The following MEX3D variants were observed in gnomAD, a reference collection of about 807,000 sequenced individuals.
MEX3D encodes mex-3 RNA binding family member D, also known as RNA-binding protein MEX3D.
A neutral mutation model predicts 6.3 loss-of-function variants in MEX3D; 4 were observed. The ratio of observed to expected loss-of-function variants is 0.64; its 90% CI spans 0.31 to 1.46. The LOEUF is 1.46. MEX3D is among the 40% of genes most tolerant of loss of function. The pLI is 0.07. For missense variants in MEX3D, 1,038 were observed against 994.4 expected, an observed-to-expected ratio of 1.04 and a Z score of -0.59; for synonymous variants, 626 against 494.1, an observed-to-expected ratio of 1.27 and a Z score of -3.54.
Position 1,555,094 on chromosome 19 carries a change from A to T in MEX3D, c.*469T>A. On this transcript the variant is annotated 3_prime_UTR_variant, in exon 2 of 2. Coordinates refer to ENST00000402693, the MANE Select transcript of MEX3D (RefSeq NM_203304.4). ...CATAAATGGTTAGCCCCAAAAAGGG[A>T]GTAAAAATGTCACCCTCCTCCTCTG... The T allele has an allele frequency of 4.6e-6, 1 of 215,310 alleles. No homozygotes were observed. The highest frequency in any genetic ancestry group is 5.3e-5 in the South Asian group (1 of 19,008). The allele number at this position is 215,310 out of a possible 1,614,324, so 13.3% of individuals were successfully genotyped here.
Position 1,567,457 on chromosome 19 carries a change from C to T in MEX3D, c.595+7G>A, listed in dbSNP as rs372826702. 2.5e-4 allele frequency: 392 copies of T among 1,562,704 alleles called. 1 individual carries two copies. Among genetic ancestry groups the T allele is most frequent in the Non-Finnish European group, 3.2e-4 (374 of 1,156,314 alleles). On this transcript the variant is annotated splice_region_variant and intron_variant, in intron 1 of 1. Coordinates refer to ENST00000402693, the MANE Select transcript of MEX3D (RefSeq NM_203304.4). This position sits in a 1 kb window ranked among gnomAD's most constrained non-coding sequence, Gnocchi z 6.5. ...CAGGACAGCAACCCCCGACGAGGGC[C>T]ACTCACCCTGGCGACCCACGATCTC...
chr19:1,561,986 GCA>G (rs1221094646), intron 1 of MEX3D, among the ~76,000 whole-genome samples: 1 of 151,788 alleles, frequency 6.6e-6, no homozygotes, highest in Non-Finnish European at 1.5e-5. Context: ...GTGTGGCCGG[GCA>G]CGGTGGCTCA....
intron 1 of MEX3D, among the ~76,000 whole-genome samples, chr19:1,563,006 A>G (rs533912000): frequency 3.3e-5 from 5 of 152,250 alleles, no homozygotes; most frequent in African/African-American, 1.2e-4. Flanking sequence ...CGACAAGAGC[A>G]AGACCCTGTC....
In MEX3D at chr19:1,567,778, T is replaced by G; in HGVS notation, c.281A>C (p.Asp94Ala). ...CACAGGCTCCGGAGCCGCCCCGCCG[T>G]CCGCGCCCCCCGCCGCCGCTGCGCC... is the stretch of plus-strand genomic sequence containing the variant. The part of the protein sequence containing the change: ...GDGAAAAGGA[D>A]GGAAPEPVPP... The change falls in exon 1 of 2, where the codon GAC (aspartate) becomes GCC (alanine). Residue 94 changes from aspartate (D) to alanine (A), a missense_variant. Around this residue, in one of 5 missense-constraint regions of MEX3D, gnomAD observed 265 missense variants for 206.3 expected, o/e 1.28. Coordinates refer to ENST00000402693, the MANE Select transcript of MEX3D (RefSeq NM_203304.4). The surrounding 1 kb of genome is among the most constrained non-coding windows in gnomAD (Gnocchi z 6.5). The G allele has an allele frequency of 2.2e-6, 2 of 900,824 alleles. No homozygotes were observed. The highest frequency in any genetic ancestry group is 1.9e-5 in the African/African-American group (1 of 53,090). The allele number at this position is 900,824 out of a possible 1,614,324, so 55.8% of individuals were successfully genotyped here.
In MEX3D at chr19:1,567,387, G is replaced by A; in HGVS notation, c.595+77C>T. On this transcript the variant is annotated intron_variant, in intron 1 of 1. Coordinates refer to ENST00000402693, the MANE Select transcript of MEX3D (RefSeq NM_203304.4). The surrounding 1 kb of genome is among the most constrained non-coding windows in gnomAD (Gnocchi z 6.5). ...GGGGCGTCCGGCGCGGGCTGGGCTG[G>A]GCTCGGGCGACCCCCTTCCCCGGGG... 5.6e-6 allele frequency: 8 copies of A among 1,433,668 alleles called. No homozygotes were observed. The highest frequency in any genetic ancestry group is 7.3e-6 in the Non-Finnish European group (8 of 1,094,632). The allele number at this position is 1,433,668 out of a possible 1,614,324, so 88.8% of individuals were successfully genotyped here. A position where few individuals can be genotyped will look rare whatever the true frequency, so the allele number is the denominator to read the frequency against.
In MEX3D at chr19:1,567,567, G is replaced by A. The variant is rs778457833; in HGVS notation, c.492C>T (p.Ala164=). The A allele has an allele frequency of 4.0e-5, 60 of 1,517,642 alleles. No homozygotes were observed. The highest frequency in any genetic ancestry group is 5.1e-5 in the Non-Finnish European group (58 of 1,135,262). 94.0% of individuals were successfully genotyped at this position (1,517,642 alleles called of 1,614,324 possible). A position where few individuals can be genotyped will look rare whatever the true frequency, so the allele number is the denominator to read the frequency against. Residue 164 remains alanine, a synonymous_variant, in exon 1 of 2, where the codon GCC becomes GCT. Transcript: ENST00000402693. The surrounding 1 kb of genome is among the most constrained non-coding windows in gnomAD (Gnocchi z 6.5). The part of the protein sequence containing the change: ...PAALGPPTLL[A]DQMSVIGSRK... The stretch of plus-strand genomic sequence containing the variant: ...GGCTGCCGATCACGCTCATCTGGTC[G>A]GCCAGCAGCGTCGGGGGCCCCAGGG...
chr19:1,555,610 G>A lies in MEX3D; in HGVS notation c.1909C>T (p.Pro637Ser). 2 of 1,592,248 alleles carry A rather than the reference G, an allele frequency of 1.3e-6. No individual in the cohort carries two copies. Among genetic ancestry groups the A allele is most frequent in the African/African-American group, 1.3e-5 (1 of 74,404 alleles). The change falls in exon 2 of 2, where the codon CCC (proline) becomes TCC (serine). Residue 637 changes from proline (P) to serine (S), a missense_variant. By Grantham distance (74) the Pro-to-Ser change is moderately conservative (BLOSUM62 -1). Around this residue, in one of 5 missense-constraint regions of MEX3D, gnomAD observed 581 missense variants for 516.2 expected, o/e 1.13. Transcript: ENST00000402693. The stretch of plus-strand genomic sequence containing the variant: ...TGGGTGGCCGGCGTGCGGCAGGCGG[G>A]ACACTCGGGCTCGCTCTTGCCGCAG... ...RICGKSEPEC[P>S]ACRTPATQAI...
chr19:1,555,255 AG>A lies in MEX3D; in HGVS notation c.*307del. ...TTTTTTAAAGATCACCCTGGAGGGG[AG>A]GGGTGTCTAAAAATAAGAAAACTAA... On this transcript the variant is annotated 3_prime_UTR_variant, in exon 2 of 2. Transcript: ENST00000402693. The A allele has an allele frequency of 2.1e-6, 3 of 1,410,948 alleles. No individual in the cohort carries two copies. The highest frequency in any genetic ancestry group is 2.9e-6 in the Non-Finnish European group (3 of 1,035,188). 87.4% of individuals were successfully genotyped at this position (1,410,948 alleles called of 1,614,324 possible).
intron 1 of MEX3D, among the ~76,000 whole-genome samples, chr19:1,559,834 C>T (rs1428497074): frequency 1.3e-5 from 2 of 152,036 alleles, no homozygotes; most frequent in East Asian, 1.9e-4. Flanking sequence ...GGAGGGGTGG[C>T]GGGGGTGCAC....
chr19:1,561,592 T>C (rs1390223860), intron 1 of MEX3D, among the ~76,000 whole-genome samples: 1 of 152,004 alleles, frequency 6.6e-6, no homozygotes, highest in African/African-American at 2.4e-5. Flanking sequence ...GTTCCGGCAC[T>C]TTGGGAGGCC....
At chr19:1,566,917 G>A (rs557286901) in intron 1 of MEX3D, among the ~76,000 whole-genome samples, 25 of 152,230 alleles carry the variant, frequency 1.6e-4, no homozygotes, top group African/African-American at 5.8e-4. Context: ...CCCTGACTCG[G>A]GGCCAGAGAG....
chr19:1,566,317 G>GGA (rs1914838488), intron 1 of MEX3D, among the ~76,000 whole-genome samples: 1 of 152,196 alleles, frequency 6.6e-6, no homozygotes, highest in African/African-American at 2.4e-5. Flanking sequence ...AAGACAGGAG[G>GGA]CTGTGGTGCC....
chr19:1,556,685 C>T lies in MEX3D; in HGVS notation c.834G>A (p.Val278=), dbSNP rs1460361403. The change falls in exon 2 of 2, where the codon GTG becomes GTA. Residue 278 remains valine, a synonymous_variant. Transcript: ENST00000402693. This position sits in a 1 kb window ranked among gnomAD's most constrained non-coding sequence, Gnocchi z 7.5. ...GCCCCACCACCCGGTAGGGCACGCGCACCTGGATGGTGGTCTGTCCGGGAA... is the reference window on the plus strand; with the variant it reads ...GCCCCACCACCCGGTAGGGCACGCGTACCTGGATGGTGGTCTGTCCGGGAA... ...PNLPGQTTIQ[V]RVPYRVVGLV... is the part of the protein sequence containing the mutation. 1 of 1,610,904 alleles carries T rather than the reference C, an allele frequency of 6.2e-7. No homozygotes were observed. Among genetic ancestry groups the T allele is most frequent in the South Asian group, 1.1e-5 (1 of 90,980 alleles).
rs567712975 is a variant in MEX3D at position 1,560,479 on chromosome 19, G to A, written c.596-3556C>T. On this transcript the variant is annotated intron_variant, in intron 1 of 1. Coordinates refer to ENST00000402693, the MANE Select transcript of MEX3D (RefSeq NM_203304.4). ...GTCCTCCCTTGCTGATCTGGGAGCC[G>A]CCCCGGGTCCCCAGAGGGTCACACG... 3.9e-5 allele frequency among the ~76,000 whole-genome samples: 6 copies of A among 152,344 alleles called. No individual in the cohort carries two copies. The South Asian group carries it at 1.0e-3, about 26-fold the overall frequency.
rs890512062 is a variant in MEX3D at position 1,567,358 on chromosome 19, G to C, written c.595+106C>G. ...CCGGAGCCCACGCGGGGCGTGTCCG[G>C]TGCGGGGCGTCCGGCGCGGGCTGGG... On this transcript the variant is annotated intron_variant, in intron 1 of 1. Coordinates refer to ENST00000402693, the MANE Select transcript of MEX3D (RefSeq NM_203304.4). This position sits in a 1 kb window ranked among gnomAD's most constrained non-coding sequence, Gnocchi z 6.5. The C allele has an allele frequency of 7.8e-7, 1 of 1,281,096 alleles. No homozygotes were observed. Among genetic ancestry groups the C allele is most frequent in the Non-Finnish European group, 1.0e-6 (1 of 992,402 alleles). 79.4% of individuals were successfully genotyped at this position (1,281,096 alleles called of 1,614,324 possible). A position where few individuals can be genotyped will look rare whatever the true frequency, so the allele number is the denominator to read the frequency against.
chr19:1,562,845 T>C (rs925590094), intron 1 of MEX3D, among the ~76,000 whole-genome samples: 2 of 151,390 alleles, frequency 1.3e-5, no homozygotes, highest in Non-Finnish European at 2.9e-5. Flanking sequence ...CGAAACCCCG[T>C]CTCTACTAAA....
In MEX3D at chr19:1,556,568, C is replaced by T; in HGVS notation, c.951G>A (p.Val317=). Residue 317 remains valine, a synonymous_variant, in exon 2 of 2, where the codon GTG becomes GTA. Coordinates refer to ENST00000402693, the MANE Select transcript of MEX3D (RefSeq NM_203304.4). This position sits in a 1 kb window ranked among gnomAD's most constrained non-coding sequence, Gnocchi z 7.5. Reference sequence around the variant, plus strand: ...TCTCGGGCATCCCAGTGACCGCGAACACCGGCTCCTTGTCGCGCCCGGGCG... The same window carrying T: ...TCTCGGGCATCCCAGTGACCGCGAATACCGGCTCCTTGTCGCGCCCGGGCG... ...IVTPGRDKEP[V]FAVTGMPENV... 1 of 1,608,936 alleles carries T rather than the reference C, an allele frequency of 6.2e-7. No homozygotes were observed. The highest frequency in any genetic ancestry group is 1.7e-5 in the Admixed American group (1 of 59,882).
In MEX3D at chr19:1,558,742, G is replaced by C. The variant is rs545791472; in HGVS notation, c.596-1819C>G. Among the ~76,000 whole-genome samples, 93 of 152,308 alleles carry C rather than the reference G, an allele frequency of 6.1e-4. 1 individual carries two copies. In the South Asian group the frequency reaches 0.016, roughly 26 times the overall value. On this transcript the variant is annotated intron_variant, in intron 1 of 1. Coordinates refer to ENST00000402693, the MANE Select transcript of MEX3D (RefSeq NM_203304.4). ...CTGGCCTAAGGGGAGCCGAGGTCTC[G>C]GCCCGACTGCAGACGCCCGCACCCT...
At chr19:1,561,676 A>G (rs1017258709) in intron 1 of MEX3D, among the ~76,000 whole-genome samples, 1 of 151,982 alleles carries the variant, frequency 6.6e-6, no homozygotes, top group Non-Finnish European at 1.5e-5. Flanking sequence ...GTCTCTATAA[A>G]GGGTGTCACC....
Sources: allele counts gnomAD v4.1 joint callset (sites outside exome capture counted in the v4.1 genomes callset), GRCh38; gene constraint gnomAD v4.1.1; regional missense constraint gnomAD v4.1.1; non-coding constraint Gnocchi (gnomAD v3.1); transcripts MANE v1.5; gene names NCBI Gene and HGNC (gene_info 2026-07-23, HGNC 2026-07-21).